Variants in HDAC9 observed in about 807,000 individuals in gnomAD.
The protein encoded by HDAC9 is MEF-2 interacting transcription repressor (MITR) protein.
A neutral mutation model predicts 139.4 loss-of-function variants in HDAC9; 41 were observed. That is an observed-to-expected ratio of 0.29 (90% CI 0.23 to 0.38). The LOEUF (loss-of-function observed/expected upper bound fraction) is 0.38. HDAC9 is among the 10% of genes least tolerant of loss of function. The pLI is 1.00. For synonymous variants in HDAC9, 517 were observed against 476.2 expected, an observed-to-expected ratio of 1.09 and a Z score of -1.12; for missense variants, 1,147 against 1,297.0, an observed-to-expected ratio of 0.88 and a Z score of 1.78.
chr7:18,895,830 C>T (rs1801145621), intron 22 of HDAC9, among the ~76,000 whole-genome samples: 1 of 151,866 alleles, frequency 6.6e-6, no homozygotes, highest in African/African-American at 2.4e-5. Flanking sequence ...CCAAGAGTTT[C>T]CTGTTTAGAG....
intron 1 of HDAC9, among the ~76,000 whole-genome samples, chr7:18,401,202 AT>A (rs1450303491): frequency 6.6e-6 from 1 of 152,208 alleles, no homozygotes; most frequent in African/African-American, 2.4e-5. Context: ...TAATTGTGAT[AT>A]TACAGCTAGC....
chr7:18,437,246 G>A (rs1356057075), intron 1 of HDAC9, among the ~76,000 whole-genome samples: 1 of 152,062 alleles, frequency 6.6e-6, no homozygotes, highest in African/African-American at 2.4e-5. Context: ...ATATACATAT[G>A]ATATATTCAA....
intron 1 of HDAC9, among the ~76,000 whole-genome samples, chr7:18,098,040 T>C (rs751497656): frequency 1.3e-5 from 2 of 152,246 alleles, no homozygotes; most frequent in Non-Finnish European, 2.9e-5. Context: ...TTTGCTTATC[T>C]TGCCCTTTTA....
chr7:18,425,112 T>G (rs1789993354), intron 1 of HDAC9, among the ~76,000 whole-genome samples: 1 of 152,152 alleles, frequency 6.6e-6, no homozygotes, highest in Non-Finnish European at 1.5e-5. Flanking sequence ...TTTCTTGTCA[T>G]AAAATAGCAT....
chr7:18,109,633 T>C (rs1562629027), intron 1 of HDAC9, among the ~76,000 whole-genome samples: 2 of 152,148 alleles, frequency 1.3e-5, no homozygotes, highest in Non-Finnish European at 2.9e-5. Flanking sequence ...TAATGCTGTG[T>C]ATTAAATTTC....
chr7:18,866,342 A>G (rs1798495128), intron 21 of HDAC9, among the ~76,000 whole-genome samples: 19 of 151,932 alleles, frequency 1.3e-4, no homozygotes, highest in Admixed American at 1.2e-3. Flanking sequence ...TTACTTGTTT[A>G]TTTATATAGT....
At chr7:18,307,166 T>C (rs1490529539) in intron 1 of HDAC9, among the ~76,000 whole-genome samples, 2 of 150,548 alleles carry the variant, frequency 1.3e-5, no homozygotes, top group African/African-American at 4.9e-5. Flanking sequence ...GAGGCAAGAG[T>C]ATCTTTTTTA....
At chr7:18,097,212 CATT>C (rs1348950160) in intron 1 of HDAC9, among the ~76,000 whole-genome samples, 5 of 152,148 alleles carry the variant, frequency 3.3e-5, no homozygotes, top group Non-Finnish European at 4.4e-5. Flanking sequence ...TCATATCTAA[CATT>C]ATTATATTTT....
chr7:18,837,237 G>C (rs888084730), intron 21 of HDAC9, among the ~76,000 whole-genome samples: 1 of 151,612 alleles, frequency 6.6e-6, no homozygotes, highest in Non-Finnish European at 1.5e-5. Flanking sequence ...TATCCACAAT[G>C]TTGTAGAAAA....
intron 8 of HDAC9, among the ~76,000 whole-genome samples, chr7:18,641,757 G>C (rs537410776): frequency 6.6e-6 from 1 of 152,042 alleles, no homozygotes; most frequent in Non-Finnish European, 1.5e-5. Flanking sequence ...GCAATGCTAA[G>C]GTGGGATGGT....
At chr7:18,555,554 C>A (rs1282427613) in intron 2 of HDAC9, among the ~76,000 whole-genome samples, 2 of 151,946 alleles carry the variant, frequency 1.3e-5, no homozygotes, top group Admixed American at 6.6e-5. Flanking sequence ...ACTATATTAC[C>A]TCATTTTAGT....
At chr7:18,774,602 T>C (rs1562931844) in intron 16 of HDAC9, among the ~76,000 whole-genome samples, 1 of 152,084 alleles carries the variant, frequency 6.6e-6, no homozygotes, top group East Asian at 1.9e-4. Context: ...CTAATGATCA[T>C]CTGAGCCTTC....
At chr7:18,887,417 G>C (rs1181586650) in intron 22 of HDAC9, among the ~76,000 whole-genome samples, 1 of 152,110 alleles carries the variant, frequency 6.6e-6, no homozygotes, top group Non-Finnish European at 1.5e-5. Context: ...CTGCAGTTTG[G>C]GTCTAATTGG....
intron 22 of HDAC9, among the ~76,000 whole-genome samples, chr7:18,919,218 G>C (rs992512048): frequency 6.6e-6 from 1 of 151,914 alleles, no homozygotes; most frequent in Non-Finnish European, 1.5e-5. Flanking sequence ...GCCCCTTATC[G>C]TGATACCTAA....
At chr7:18,640,353 G>C (rs1584475693) in intron 8 of HDAC9, among the ~76,000 whole-genome samples, 2 of 77,042 alleles carry the variant, frequency 2.6e-5, no homozygotes, top group South Asian at 1.1e-3. Context: ...GCAAGATCCT[G>C]TCTTAAAAAA....
intron 1 of HDAC9, among the ~76,000 whole-genome samples, chr7:18,137,493 T>G (rs145383915): frequency 0.027 from 4,119 of 152,146 alleles, 90 homozygotes; most frequent in South Asian, 0.061. Flanking sequence ...TTACCTAATT[T>G]ATTGAGAGAT....
chr7:18,720,842 T>A (rs1328989768), intron 12 of HDAC9, among the ~76,000 whole-genome samples: 2 of 151,894 alleles, frequency 1.3e-5, no homozygotes, highest in East Asian at 3.9e-4. Flanking sequence ...CCAACTAATT[T>A]TTTTGTTGTT....
At chr7:18,289,939 C>G (rs147285144), upstream of HDAC9, among the ~76,000 whole-genome samples, 24 of 152,130 alleles carry the variant, frequency 1.6e-4, no homozygotes, top group East Asian at 4.6e-3. Flanking sequence ...GAAAGAAAGT[C>G]GTCAGAGCCA....
At chr7:18,121,038 A>T (rs1214745036) in intron 1 of HDAC9, among the ~76,000 whole-genome samples, 1 of 152,234 alleles carries the variant, frequency 6.6e-6, no homozygotes, top group Non-Finnish European at 1.5e-5. Flanking sequence ...GGAGAACCCC[A>T]TGAGAAAACT....
Sources: allele counts gnomAD v4.1 joint callset (sites outside exome capture counted in the v4.1 genomes callset), GRCh38; gene constraint gnomAD v4.1.1; transcripts MANE v1.5; gene names NCBI Gene and HGNC (gene_info 2026-07-23, HGNC 2026-07-21).